GNAQ: variants seen among roughly 807,000 people sequenced by gnomAD.
GNAQ encodes the protein guanine nucleotide-binding protein G(q) subunit alpha.
In GNAQ, 8 loss-of-function variants were observed where a neutral mutation model predicts 43.9. The ratio of observed to expected loss-of-function variants is 0.18; its 90% CI spans 0.11 to 0.33. GNAQ has a LOEUF of 0.33. Ranked by LOEUF, GNAQ falls within the 10% of genes least tolerant of loss-of-function variation. GNAQ has a pLI of 1.00. For missense variants in GNAQ, 158 were observed against 450.8 expected, an observed-to-expected ratio of 0.35 and a Z score of 5.88; for synonymous variants, 155 against 170.7, an observed-to-expected ratio of 0.91 and a Z score of 0.71.
intron 5 of GNAQ, among the ~76,000 whole-genome samples, chr9:77,766,249 C>T (rs1433843951): frequency 8.5e-5 from 13 of 152,058 alleles, no homozygotes; most frequent in Non-Finnish European, 1.0e-4. Flanking sequence ...AATTTTTTAT[C>T]AGTGTGAAGT....
intron 1 of GNAQ, among the ~76,000 whole-genome samples, chr9:77,968,006 AAAAAACATGTTT>A (rs1260412972): frequency 1.3e-5 from 2 of 152,132 alleles, no homozygotes; most frequent in African/African-American, 4.8e-5. Context: ...AACAACAACA[AAAAAACATGTTT>A]AGGTTTCCCT....
At chr9:77,937,805 T>C (rs963047857) in intron 1 of GNAQ, among the ~76,000 whole-genome samples, 3 of 152,148 alleles carry the variant, frequency 2.0e-5, no homozygotes, top group Non-Finnish European at 2.9e-5. Context: ...GGCAGGAGAA[T>C]CCTTTGAACC....
Position 77,921,865 on chromosome 9 carries a change from C to T in GNAQ, c.321+296G>A, listed in dbSNP as rs115420424. Among the ~76,000 whole-genome samples the T allele has an allele frequency of 3.6e-3, 550 of 152,306 alleles. 5 individuals carry two copies. Among genetic ancestry groups the T allele is most frequent in the African/African-American group, 0.013 (534 of 41,570 alleles). ...CAAACTCTCTCCTTAACATAATGTG[C>T]TTCTCCAAATTTTAAACCTGAAAAT... On this transcript the variant is annotated intron_variant, in intron 2 of 6. Coordinates refer to ENST00000286548, the MANE Select transcript of GNAQ (RefSeq NM_002072.5).
Position 77,739,189 on chromosome 9 carries a change from A to G in GNAQ, c.736-10522T>C, listed in dbSNP as rs539570989. ...GAGCTACCCTTTTAGAATCTTTTTC[A>G]TATCAAATTACATGTGGCATGAAAT... On this transcript the variant is annotated intron_variant, in intron 5 of 6. Transcript: ENST00000286548. Among the ~76,000 whole-genome samples the G allele has an allele frequency of 2.6e-5, 4 of 152,284 alleles. No homozygotes were observed. In the East Asian group the frequency reaches 7.7e-4, roughly 29 times the overall value.
intron 1 of GNAQ, among the ~76,000 whole-genome samples, chr9:77,987,052 T>C (rs1197416240): frequency 2.6e-5 from 4 of 152,178 alleles, no homozygotes; most frequent in Non-Finnish European, 5.9e-5. Context: ...AACTGGTTAC[T>C]ACCCTCACTA....
At chr9:78,015,280 T>C (rs1437854020) in intron 1 of GNAQ, among the ~76,000 whole-genome samples, 2 of 152,240 alleles carry the variant, frequency 1.3e-5, no homozygotes, top group Non-Finnish European at 2.9e-5. Flanking sequence ...CCTATATGTG[T>C]GTTGTAGGCT....
At chr9:77,816,634 GTATA>G (rs1386199165) in intron 2 of GNAQ, among the ~76,000 whole-genome samples, 2 of 151,830 alleles carry the variant, frequency 1.3e-5, no homozygotes, top group Non-Finnish European at 2.9e-5. Context: ...CACACACAAA[GTATA>G]TATACATAAA....
At chr9:77,973,904 A>G (rs1823269103) in intron 1 of GNAQ, among the ~76,000 whole-genome samples, 1 of 152,158 alleles carries the variant, frequency 6.6e-6, no homozygotes, top group Non-Finnish European at 1.5e-5. Flanking sequence ...ACAATTAACT[A>G]AAGTCCTTAC....
At chr9:77,726,555 T>A (rs1016987960) in intron 6 of GNAQ, among the ~76,000 whole-genome samples, 1 of 152,216 alleles carries the variant, frequency 6.6e-6, no homozygotes, top group African/African-American at 2.4e-5. Context: ...TGAAGCTAAA[T>A]TTAATCTTGG....
chr9:77,877,132 A>T (rs545249820), intron 2 of GNAQ, among the ~76,000 whole-genome samples: 1 of 152,198 alleles, frequency 6.6e-6, no homozygotes, highest in Non-Finnish European at 1.5e-5. Context: ...CTACGAATGA[A>T]TGGGCAGCTG....
intron 2 of GNAQ, among the ~76,000 whole-genome samples, chr9:77,906,879 A>G (rs1401028563): frequency 6.6e-6 from 1 of 152,210 alleles, no homozygotes; most frequent in Non-Finnish European, 1.5e-5. Context: ...GTGAACCTAC[A>G]TTTGTATGTG....
intron 1 of GNAQ, among the ~76,000 whole-genome samples, chr9:77,943,505 C>T (rs1307811758): frequency 6.6e-6 from 1 of 152,108 alleles, no homozygotes; most frequent in Admixed American, 6.5e-5. Context: ...TTACAAGAGT[C>T]AGACTGGATA....
intron 3 of GNAQ, among the ~76,000 whole-genome samples, chr9:77,809,199 G>A (rs1242418722): frequency 6.6e-6 from 1 of 152,184 alleles, no homozygotes; most frequent in Non-Finnish European, 1.5e-5. Flanking sequence ...GTTCTTTACG[G>A]GCTCCGGATC....
rs574104431 is a variant in GNAQ, at chr9:77,928,880, C to T, written c.137-6535G>A. Among the ~76,000 whole-genome samples the T allele has an allele frequency of 2.0e-3, 301 of 152,092 alleles. 3 individuals carry two copies. The highest frequency in any genetic ancestry group is 6.9e-3 in the African/African-American group (287 of 41,488). ...ACTAAAAATACAAAAATTAGCTAGA[C>T]GTAGTGAGGCGCCTATAATCTCAGC... On this transcript the variant is annotated intron_variant, in intron 1 of 6. Transcript: ENST00000286548.
intron 1 of GNAQ, among the ~76,000 whole-genome samples, chr9:78,022,930 T>C (rs1409883952): frequency 6.6e-6 from 1 of 152,196 alleles, no homozygotes; most frequent in Non-Finnish European, 1.5e-5. Context: ...TAACTATCTG[T>C]ATGGAAATAC....
intron 5 of GNAQ, among the ~76,000 whole-genome samples, chr9:77,735,837 T>C (rs1825570402): frequency 6.6e-6 from 1 of 152,168 alleles, no homozygotes; most frequent in Non-Finnish European, 1.5e-5. Context: ...AGTGGAAACA[T>C]GGCTCTGTTT....
At chr9:77,838,789 A>G (rs1827436588) in intron 2 of GNAQ, among the ~76,000 whole-genome samples, 1 of 152,212 alleles carries the variant, frequency 6.6e-6, no homozygotes, top group African/African-American at 2.4e-5. Context: ...TTACTTGTAC[A>G]ATTTAATATA....
chr9:78,015,818 GC>G (rs1823831778), intron 1 of GNAQ, among the ~76,000 whole-genome samples: 1 of 151,990 alleles, frequency 6.6e-6, no homozygotes, highest in African/African-American at 2.4e-5. Context: ...GGATAAGAAT[GC>G]TACATAGGGA....
intron 5 of GNAQ, among the ~76,000 whole-genome samples, chr9:77,773,746 A>C (rs1826263903): frequency 6.6e-6 from 1 of 152,208 alleles, no homozygotes; most frequent in Non-Finnish European, 1.5e-5. Flanking sequence ...GTGTGAAAAC[A>C]TGTTAGAGAT....
Sources: allele counts gnomAD v4.1 joint callset (sites outside exome capture counted in the v4.1 genomes callset), GRCh38; gene constraint gnomAD v4.1.1; transcripts MANE v1.5; gene names NCBI Gene and HGNC (gene_info 2026-07-23, HGNC 2026-07-21).